The following DRICH1 variants were observed in gnomAD, a reference collection of about 807,000 sequenced individuals.
DRICH1 encodes aspartate-rich protein 1.
In DRICH1, 38 loss-of-function variants were observed where a neutral mutation model predicts 39.5. That is an observed-to-expected ratio of 0.96 (90% CI 0.74 to 1.26). DRICH1 has a LOEUF of 1.26. DRICH1 is among the 50% of genes most tolerant of loss of function. The probability of loss-of-function intolerance (pLI) is 0.00; values close to 1 mark genes in which losing one functional copy is unlikely to be tolerated. For missense variants in DRICH1, 279 were observed against 270.4 expected, an observed-to-expected ratio of 1.03 and a Z score of -0.22; for synonymous variants, 84 against 99.5, an observed-to-expected ratio of 0.84 and a Z score of 0.93.
the DRICH1 span, among the ~76,000 whole-genome samples, chr22:23,590,302 G>A: frequency 7.1e-6 from 1 of 140,424 alleles, no homozygotes; most frequent in African/African-American, 2.8e-5. Flanking sequence ...TTTTGAGACG[G>A]AGTGTTGCTC....
intron 7 of DRICH1, 151 bp from the exon 8 acceptor site, chr22:23,617,025 C>A: frequency 1.1e-6 from 1 of 886,984 alleles, no homozygotes. Flanking sequence ...GCATAGAGGA[C>A]ATGTGTGGAA....
intron 2 of DRICH1, among the ~76,000 whole-genome samples, chr22:23,625,682 T>TA (rs967840349): frequency 9.9e-5 from 15 of 150,866 alleles, no homozygotes; most frequent in East Asian, 3.9e-4. Flanking sequence ...AAGACAACCA[T>TA]AAAAAAAAAT....
At chr22:23,597,144 C>G in the DRICH1 span, among the ~76,000 whole-genome samples, 86 of 132,550 alleles carry the variant, frequency 6.5e-4, 7 homozygotes, top group South Asian at 0.02. Context: ...CTTTCTTTTC[C>G]TTCCTGCCTT....
downstream of DRICH1, among the ~76,000 whole-genome samples, chr22:23,607,682 C>CG (rs1383024692): frequency 6.6e-6 from 1 of 152,172 alleles, no homozygotes; most frequent in Non-Finnish European, 1.5e-5. Context: ...GCCCCATCCC[C>CG]GCCCCATCAT....
chr22:23,587,737 C>T, the DRICH1 span, among the ~76,000 whole-genome samples: 1 of 152,212 alleles, frequency 6.6e-6, no homozygotes, highest in African/African-American at 2.4e-5. Flanking sequence ...CACAGAAACC[C>T]AGGGGTCTCC....
chr22:23,599,284 C>T, the DRICH1 span, among the ~76,000 whole-genome samples: 2 of 152,196 alleles, frequency 1.3e-5, no homozygotes, highest in Non-Finnish European at 1.5e-5. Flanking sequence ...GCCCAGTGTG[C>T]GTGTTCACAG....
chr22:23,601,146 G>GCACACACACACACA, the DRICH1 span, among the ~76,000 whole-genome samples: 11 of 146,214 alleles, frequency 7.5e-5, no homozygotes, highest in African/African-American at 2.5e-4. Context: ...ACGCACGCGC[G>GCACACACACACACA]CACACACACA....
At chr22:23,592,395 G>T in the DRICH1 span, among the ~76,000 whole-genome samples, 2 of 151,924 alleles carry the variant, frequency 1.3e-5, no homozygotes, top group African/African-American at 2.4e-5. Context: ...GCAAGACTGG[G>T]GGGGGGCGGT....
intron 3 of DRICH1, 114 bp from the exon 4 acceptor site, chr22:23,622,290 GT>G: frequency 1.1e-6 from 1 of 929,066 alleles, no homozygotes; most frequent in Admixed American, 1.7e-5. Context: ...CATGGACTGA[GT>G]TAATGCTGGG....
rs751060766 is a variant in DRICH1 at position 23,622,903 on chromosome 22, GAGACGTGAC to G, written c.299-736_299-728del. On this transcript the variant is annotated intron_variant, in intron 3 of 11. Transcript: ENST00000317749. ...GCTCTAACTACACCAGTGAATCTGA[GAGACGTGAC>G]TCTGAACACTTTCTGCCATGAGGAT... 8.0e-3 allele frequency among the ~76,000 whole-genome samples: 1,222 copies of G among 152,258 alleles called. 26 individuals carry two copies. Among genetic ancestry groups the G allele is most frequent in the East Asian group, 0.078 (402 of 5,170 alleles).
chr22:23,631,215 C>A (rs949305487), intron 1 of DRICH1, among the ~76,000 whole-genome samples: 29 of 152,070 alleles, frequency 1.9e-4, no homozygotes, highest in African/African-American at 6.7e-4. Context: ...GTCAGGAGAT[C>A]GAGACCATTC....
chr22:23,626,028 T>A lies in DRICH1; in HGVS notation c.229A>T (p.Ser77Cys), dbSNP rs767573802. 1.2e-5 allele frequency: 19 copies of A among 1,613,160 alleles called. No individual in the cohort carries two copies. The highest frequency in any genetic ancestry group is 1.5e-5 in the Non-Finnish European group (18 of 1,179,634). The change falls in exon 2 of 12, where the codon AGT becomes TGT. Residue 77 changes from serine (S) to cysteine (C), a missense_variant. By Grantham distance (112) the Ser-to-Cys change is moderately radical (BLOSUM62 -1). Coordinates refer to ENST00000317749, the MANE Select transcript of DRICH1 (RefSeq NM_016449.4). ...TCACTTGATGGCAGAAATTTTAAAC[T>A]CAGGCGGTCCTCAGGGGGACCTAAA... ...MPTGPPEDRL[S>C]LKFLPSSEED...
At chr22:23,595,248 T>C in the DRICH1 span, among the ~76,000 whole-genome samples, 1 of 147,826 alleles carries the variant, frequency 6.8e-6, no homozygotes, top group African/African-American at 2.5e-5. Context: ...ACTCCCAATA[T>C]AAGCTCTTGG....
the DRICH1 span, among the ~76,000 whole-genome samples, chr22:23,582,176 A>T: frequency 1.3e-5 from 2 of 150,646 alleles, no homozygotes; most frequent in Admixed American, 1.3e-4. Context: ...ATGGGGTTTC[A>T]GCATGTTGGT....
chr22:23,613,518 G>T, intron 10 of DRICH1, 121 bp downstream of exon 10: 2 of 924,508 alleles, frequency 2.2e-6, no homozygotes, highest in African/African-American at 1.6e-5. Context: ...TTCTATACTG[G>T]CAGAATCACT....
At position 23,626,065 on chromosome 22, in the gene DRICH1, T is replaced by C; in HGVS notation, c.209-17A>G. On this transcript the variant is annotated splice_polypyrimidine_tract_variant and intron_variant, in intron 1 of 11. Transcript: ENST00000317749. ...CAGGGGGACCTAAAAGGACACAGAGTTAATGTCAGTGCCCTGGTGGTTGGA... is the reference window on the plus strand; with the variant it reads ...CAGGGGGACCTAAAAGGACACAGAGCTAATGTCAGTGCCCTGGTGGTTGGA... The C allele has an allele frequency of 6.3e-7, 1 of 1,588,850 alleles. No homozygotes were observed. The highest frequency in any genetic ancestry group is 1.3e-5 in the African/African-American group (1 of 74,364).
rs758569419 is a variant in DRICH1 at position 23,613,665 on chromosome 22, A to G, written c.622-5T>C. 4 of 1,591,286 alleles carry G rather than the reference A, an allele frequency of 2.5e-6. No individual in the cohort carries two copies. Among genetic ancestry groups the G allele is most frequent in the Non-Finnish European group, 3.4e-6 (4 of 1,160,474 alleles). On this transcript the variant is annotated splice_polypyrimidine_tract_variant and splice_region_variant and intron_variant, in intron 9 of 11. Transcript: ENST00000317749. Reference sequence around the variant, plus strand: ...ACTTTCTATCCGAGCTGTTATCTGCAATTATATAAAAGAAAACATTATGAA... The same window carrying G: ...ACTTTCTATCCGAGCTGTTATCTGCGATTATATAAAAGAAAACATTATGAA...
At position 23,625,970 on chromosome 22, in the gene DRICH1, G is replaced by A; in HGVS notation, c.276+11C>T. The A allele has an allele frequency of 6.2e-7, 1 of 1,608,398 alleles. No individual in the cohort carries two copies. The highest frequency in any genetic ancestry group is 1.1e-5 in the South Asian group (1 of 90,590). ...AACATTTCCTTAGAAGGCAAAGAAA[G>A]GGGGTCTTACCTTGGCATCATCATT... On this transcript the variant is annotated intron_variant, in intron 2 of 11. Coordinates refer to ENST00000317749, the MANE Select transcript of DRICH1 (RefSeq NM_016449.4).
Position 23,608,669 on chromosome 22 carries a change from G to A in DRICH1, c.*95C>T, listed in dbSNP as rs540185507. ...CCAAGAGTTTTCCTCAGAATGTAGA[G>A]AGGATTGAGACCTCCAGGGGCAAAG... On this transcript the variant is annotated 3_prime_UTR_variant, in exon 12 of 12. Transcript: ENST00000317749. 5.3e-4 allele frequency: 649 copies of A among 1,221,796 alleles called. 6 individuals carry two copies. The South Asian group carries it at 7.9e-3, about 15-fold the overall frequency. The allele number at this position is 1,221,796 out of a possible 1,614,324, so 75.7% of individuals were successfully genotyped here. A position where few individuals can be genotyped will look rare whatever the true frequency, so the allele number is the denominator to read the frequency against.
Sources: allele counts gnomAD v4.1 joint callset (sites outside exome capture counted in the v4.1 genomes callset), GRCh38; gene constraint gnomAD v4.1.1; transcripts MANE v1.5; gene names NCBI Gene and HGNC (gene_info 2026-07-23, HGNC 2026-07-21).